Variants in CRMP1 observed in about 807,000 individuals in gnomAD.
The protein encoded by CRMP1 is collapsin response mediator protein 1, also known as dihydropyrimidinase-related protein 1.
CRMP1 carries 19 observed loss-of-function variants against 68.3 expected under a neutral mutation model. The ratio of observed to expected loss-of-function variants is 0.28; its 90% confidence interval spans 0.19 to 0.41. The LOEUF is 0.41. Ranked by LOEUF, CRMP1 falls within the 10% of genes least tolerant of loss-of-function variation. CRMP1 has a pLI of 1.00. For missense variants in CRMP1, 791 were observed against 967.4 expected, an observed-to-expected ratio of 0.82 and a Z score of 2.42; for synonymous variants, 439 against 399.6, an observed-to-expected ratio of 1.10 and a Z score of -1.18.
intron 6 of CRMP1, among the ~76,000 whole-genome samples, chr4:5,847,786 C>A (rs1261222085): frequency 6.6e-6 from 1 of 152,206 alleles, no homozygotes; most frequent in East Asian, 1.9e-4. Flanking sequence ...TTATTCATAT[C>A]TGAGCTTCAG....
intron 13 of CRMP1, chr4:5,824,540 T>C: frequency 1.0e-6 from 1 of 984,406 alleles, no homozygotes; most frequent in Non-Finnish European, 1.2e-6. Flanking sequence ...GCATATCGCC[T>C]TTCCTGACCA....
At chr4:5,873,955 C>T (rs1019935331) in intron 1 of CRMP1, among the ~76,000 whole-genome samples, 2 of 152,168 alleles carry the variant, frequency 1.3e-5, no homozygotes, top group African/African-American at 4.8e-5. Context: ...AAGATAGAAA[C>T]ATTTCCAAGC....
In CRMP1 at chr4:5,889,829, G is replaced by T; in HGVS notation, c.381+2760C>A. ...CCAGTCCCCTAATCCAGGGCAGGAG[G>T]CCAGAGACACCTGGGCCTTAAAATA... On this transcript the variant is annotated intron_variant, in intron 1 of 13. Transcript: ENST00000324989. This position sits in a 1 kb window ranked among gnomAD's most constrained non-coding sequence, Gnocchi z 4.5. 6.7e-7 allele frequency: 1 copy of T among 1,483,820 alleles called. No individual in the cohort carries two copies. Among genetic ancestry groups the T allele is most frequent in the Non-Finnish European group, 8.9e-7 (1 of 1,119,108 alleles). The allele number at this position is 1,483,820 out of a possible 1,614,324, so 91.9% of individuals were successfully genotyped here. A position where few individuals can be genotyped will look rare whatever the true frequency, so the allele number is the denominator to read the frequency against.
chr4:5,883,356 G>C lies in CRMP1; in HGVS notation c.381+9233C>G, dbSNP rs1715347117. Among the ~76,000 whole-genome samples, 2 of 151,000 alleles carry C rather than the reference G, an allele frequency of 1.3e-5. No individual in the cohort carries two copies. The highest frequency in any genetic ancestry group is 4.2e-4 in the South Asian group (2 of 4,750). On this transcript the variant is annotated intron_variant, in intron 1 of 13. Transcript: ENST00000324989. This position sits in a 1 kb window ranked among gnomAD's most constrained non-coding sequence, Gnocchi z 4.5. ...ATTCTGTCGCCCAGGCTGAAGTGCA[G>C]TGGCATGATCTCAGCTCACTGCAAC...
chr4:5,840,749 G>A (rs924079873), intron 8 of CRMP1, among the ~76,000 whole-genome samples: 6 of 152,226 alleles, frequency 3.9e-5, no homozygotes, highest in African/African-American at 1.4e-4. Context: ...ACCGCTTCCA[G>A]ATTTCTGTAA....
In CRMP1 at chr4:5,892,506, G is replaced by A; in HGVS notation, c.381+83C>T. 1 of 1,134,718 alleles carries A rather than the reference G, an allele frequency of 8.8e-7. No homozygotes were observed. Among genetic ancestry groups the A allele is most frequent in the Non-Finnish European group, 1.1e-6 (1 of 922,878 alleles). 70.3% of individuals were successfully genotyped at this position (1,134,718 alleles called of 1,614,324 possible). On this transcript the variant is annotated intron_variant, in intron 1 of 13. Coordinates refer to ENST00000324989, the MANE Select transcript of CRMP1 (RefSeq NM_001014809.3). This position sits in a 1 kb window ranked among gnomAD's most constrained non-coding sequence, Gnocchi z 8.6. The stretch of plus-strand genomic sequence containing the variant: ...GGCCGCTGCCCCAACACCGGGGCCC[G>A]GGCATGGCCCTCGGGCGCCCCATGC...
chr4:5,891,888 A>G lies in CRMP1; in HGVS notation c.381+701T>C, dbSNP rs1484532517. On this transcript the variant is annotated intron_variant, in intron 1 of 13. Coordinates refer to ENST00000324989, the MANE Select transcript of CRMP1 (RefSeq NM_001014809.3). This position sits in a 1 kb window ranked among gnomAD's most constrained non-coding sequence, Gnocchi z 5.2. ...TCCGGGAGGCCAGAGACCCCAGTTC[A>G]AATCCCAGCTCTACCTCCACCTTGC... Among the ~76,000 whole-genome samples the G allele has an allele frequency of 6.6e-6, 1 of 152,180 alleles. No individual in the cohort carries two copies. The highest frequency in any genetic ancestry group is 2.4e-5 in the African/African-American group (1 of 41,442).
In CRMP1 at chr4:5,889,522, G is replaced by C; in HGVS notation, c.381+3067C>G. The C allele has an allele frequency of 6.6e-7, 1 of 1,517,104 alleles. No homozygotes were observed. Among genetic ancestry groups the C allele is most frequent in the Non-Finnish European group, 8.8e-7 (1 of 1,129,984 alleles). The allele number at this position is 1,517,104 out of a possible 1,614,324, so 94.0% of individuals were successfully genotyped here. A position where few individuals can be genotyped will look rare whatever the true frequency, so the allele number is the denominator to read the frequency against. ...CAGCTTGACAAGGTCCGTAACAGCA[G>C]AGGGGAAAAGATGAAAGAAGATGGA... On this transcript the variant is annotated intron_variant, in intron 1 of 13. Transcript: ENST00000324989. This position sits in a 1 kb window ranked among gnomAD's most constrained non-coding sequence, Gnocchi z 4.5.
intron 9 of CRMP1, among the ~76,000 whole-genome samples, chr4:5,837,442 G>C (rs1308500004): frequency 1.4e-5 from 2 of 142,296 alleles, no homozygotes; most frequent in Non-Finnish European, 3.0e-5. Flanking sequence ...GACCAACATG[G>C]CAAAACCTTG....
chr4:5,833,979 G>T (rs1240229948), intron 11 of CRMP1, among the ~76,000 whole-genome samples: 2 of 152,218 alleles, frequency 1.3e-5, no homozygotes, highest in African/African-American at 4.8e-5. Context: ...CCGGGAGGCG[G>T]AGCTTGCAGT....
chr4:5,860,556 T>C lies in CRMP1; in HGVS notation c.655+470A>G, dbSNP rs548671010. 2.6e-5 allele frequency among the ~76,000 whole-genome samples: 4 copies of C among 152,276 alleles called. No individual in the cohort carries two copies. The East Asian group carries it at 7.7e-4, about 29-fold the overall frequency. ...GTTGCTTCACCTCTCTGAGCCTCTA[T>C]TCTCCCATCTGTCACAATAATACCT... On this transcript the variant is annotated intron_variant, in intron 3 of 13. Coordinates refer to ENST00000324989, the MANE Select transcript of CRMP1 (RefSeq NM_001014809.3). This position sits in a 1 kb window ranked among gnomAD's most constrained non-coding sequence, Gnocchi z 4.2.
Position 5,854,011 on chromosome 4 carries a change from C to A in CRMP1, c.820+2132G>T, listed in dbSNP as rs1438577221. 1.3e-5 allele frequency among the ~76,000 whole-genome samples: 2 copies of A among 152,192 alleles called. No homozygotes were observed. Among genetic ancestry groups the A allele is most frequent in the South Asian group, 4.1e-4 (2 of 4,832 alleles). ...CCTGGATGCCTGCAGGCAGCACAGACCCACTAGGCCTCACGGAGCCCAGTG... is the reference window on the plus strand; with the variant it reads ...CCTGGATGCCTGCAGGCAGCACAGAACCACTAGGCCTCACGGAGCCCAGTG... On this transcript the variant is annotated intron_variant, in intron 4 of 13. Coordinates refer to ENST00000324989, the MANE Select transcript of CRMP1 (RefSeq NM_001014809.3). The surrounding 1 kb of genome is among the most constrained non-coding windows in gnomAD (Gnocchi z 4.0).
rs558380505 is a variant in CRMP1 at position 5,846,566 on chromosome 4, G to C, written c.963+2826C>G. 1.7e-4 allele frequency among the ~76,000 whole-genome samples: 25 copies of C among 151,486 alleles called. No homozygotes were observed. In the East Asian group the frequency reaches 4.6e-3, roughly 28 times the overall value. ...AAGCTGAGACTGAACACAGGCATGT[G>C]ATGTGAAAAGAAGCAGTTGGATCCC... On this transcript the variant is annotated intron_variant, in intron 6 of 13. Transcript: ENST00000324989.
chr4:5,878,435 T>C (rs1467483408), intron 1 of CRMP1, among the ~76,000 whole-genome samples: 1 of 152,110 alleles, frequency 6.6e-6, no homozygotes, highest in African/African-American at 2.4e-5. Context: ...TGGTCAAAAG[T>C]GGTTAAGGCA....
Position 5,853,416 on chromosome 4 carries a change from A to G in CRMP1, c.821-1947T>C, listed in dbSNP as rs375591394. Among the ~76,000 whole-genome samples the G allele has an allele frequency of 1.2e-3, 184 of 152,268 alleles. No homozygotes were observed. Among genetic ancestry groups the G allele is most frequent in the African/African-American group, 3.8e-3 (157 of 41,560 alleles). ...AAGACTCCATCAGAAGGAAAGAAAG[A>G]AAGAGCTGCATCTAAGAGATAGCAA... On this transcript the variant is annotated intron_variant, in intron 4 of 13. Transcript: ENST00000324989. The surrounding 1 kb of genome is among the most constrained non-coding windows in gnomAD (Gnocchi z 4.7).
At chr4:5,863,091 T>C (rs897657125) in intron 2 of CRMP1, among the ~76,000 whole-genome samples, 5 of 151,226 alleles carry the variant, frequency 3.3e-5, no homozygotes, top group East Asian at 2.0e-4. Context: ...TGAACAAACA[T>C]GCCTGACCTT....
rs1307123257 is a variant in CRMP1, at chr4:5,853,171, G to C, written c.821-1702C>G. Among the ~76,000 whole-genome samples the C allele has an allele frequency of 6.6e-6, 1 of 152,226 alleles. No individual in the cohort carries two copies. Among genetic ancestry groups the C allele is most frequent in the Non-Finnish European group, 1.5e-5 (1 of 68,028 alleles). On this transcript the variant is annotated intron_variant, in intron 4 of 13. Transcript: ENST00000324989. This position sits in a 1 kb window ranked among gnomAD's most constrained non-coding sequence, Gnocchi z 4.7. ...CTCACGCCTGTAATCCCAGCAATTT[G>C]GGAGGCCAAGGCAGGTGGATCACCT...
chr4:5,882,721 C>T (rs1715293917), intron 1 of CRMP1, among the ~76,000 whole-genome samples: 1 of 152,206 alleles, frequency 6.6e-6, no homozygotes, highest in Non-Finnish European at 1.5e-5. Flanking sequence ...ATCCACATTC[C>T]TACAAGCTGC....
rs1577808391 is a variant in CRMP1 at position 5,860,926 on chromosome 4, C to G, written c.655+100G>C. On this transcript the variant is annotated intron_variant, in intron 3 of 13. Transcript: ENST00000324989. The surrounding 1 kb of genome is among the most constrained non-coding windows in gnomAD (Gnocchi z 4.2). ...GGGGAGAATGAAATCCAATGGCACC[C>G]TGGGCAGAGAGCCTCGAACACACTG... 8.0e-7 allele frequency: 1 copy of G among 1,246,664 alleles called. No homozygotes were observed. 77.2% of individuals were successfully genotyped at this position (1,246,664 alleles called of 1,614,324 possible).
Sources: allele counts gnomAD v4.1 joint callset (sites outside exome capture counted in the v4.1 genomes callset), GRCh38; gene constraint gnomAD v4.1.1; non-coding constraint Gnocchi (gnomAD v3.1); transcripts MANE v1.5; gene names NCBI Gene and HGNC (gene_info 2026-07-23, HGNC 2026-07-21).